Variants in USP20 observed in about 807,000 individuals in gnomAD.
The protein encoded by USP20 is ubiquitin specific peptidase 20.
In USP20, 80 loss-of-function variants were observed where a neutral mutation model predicts 124.2. The observed-to-expected ratio is 0.64, with a 90% CI of 0.54 to 0.78. The LOEUF is 0.78. Ranked by LOEUF, USP20 falls within the 30% of genes least tolerant of loss-of-function variation. The pLI is 0.00. For missense variants in USP20, 1,043 were observed against 1,244.4 expected (o/e 0.84, Z 2.44); for synonymous variants, 481 against 512.3 (o/e 0.94, Z 0.83).
At position 129,879,301 on chromosome 9, in the gene USP20, C is replaced by T. The variant is rs1225646565; in HGVS notation, c.2513-272C>T. ...GGCAGAGGGGAAGGGGCGTGGTGAG[C>T]GGCAGCTGCCAGCAGAGATAAGGGC... On this transcript the variant is annotated intron_variant, in intron 23 of 25. Transcript: ENST00000372429. The surrounding 1 kb of genome is among the most constrained non-coding windows in gnomAD (Gnocchi z 4.2). 5 of 453,642 alleles carry T rather than the reference C, an allele frequency of 1.1e-5. No individual in the cohort carries two copies. Among genetic ancestry groups the T allele is most frequent in the Middle Eastern group, 5.5e-4 (1 of 1,806 alleles). 28.1% of individuals were successfully genotyped at this position (453,642 alleles called of 1,614,324 possible). A position where few individuals can be genotyped will look rare whatever the true frequency, so the allele number is the denominator to read the frequency against.
chr9:129,858,488 G>A lies in USP20; in HGVS notation c.220G>A (p.Val74Met), dbSNP rs191133247. ...CTAGGCAAAAAAGCACAACTTGACCGTGAACCTGACCACGTTCCGACTGTG... is the reference window on the plus strand; with the variant it reads ...CTAGGCAAAAAAGCACAACTTGACCATGAACCTGACCACGTTCCGACTGTG... ...HAQAKKHNLT[V>M]NLTTFRLWCY... is the part of the protein sequence containing the mutation. Residue 74 changes from valine (V) to methionine (M), a missense_variant, in exon 6 of 26, where the codon GTG (valine) becomes ATG (methionine). Physicochemically the swap from Val to Met is conservative, Grantham distance 21. Coordinates refer to ENST00000372429, the MANE Select transcript of USP20 (RefSeq NM_001110303.4). The A allele has an allele frequency of 2.1e-5, 34 of 1,614,142 alleles. No homozygotes were observed. The highest frequency in any genetic ancestry group is 1.3e-4 in the Admixed American group (8 of 60,008).
At chr9:129,850,159 G>A (rs561634799) in intron 2 of USP20, among the ~76,000 whole-genome samples, 1 of 152,170 alleles carries the variant, frequency 6.6e-6, no homozygotes, top group Non-Finnish European at 1.5e-5. Context: ...GTTAATTGAT[G>A]AGTCTAGGTA....
rs377350953 is a variant in USP20 at position 129,878,318 on chromosome 9, C to G, written c.2410-20C>G. 1 of 1,559,222 alleles carries G rather than the reference C, an allele frequency of 6.4e-7. No homozygotes were observed. The highest frequency in any genetic ancestry group is 8.7e-7 in the Non-Finnish European group (1 of 1,150,292). On this transcript the variant is annotated intron_variant, in intron 22 of 25. Coordinates refer to ENST00000372429, the MANE Select transcript of USP20 (RefSeq NM_001110303.4). Reference sequence around the variant, plus strand: ...GACTGACCTGCCCTCTGTCTCCTCCCGTCCCTGCCCGCCTGCCAGTTGAAC... The same window carrying G: ...GACTGACCTGCCCTCTGTCTCCTCCGGTCCCTGCCCGCCTGCCAGTTGAAC...
At chr9:129,867,906 C>T (rs1049608497) in intron 10 of USP20, 99 bp from the exon 11 acceptor site, 2 of 1,446,876 alleles carry the variant, frequency 1.4e-6, no homozygotes, top group Non-Finnish European at 1.8e-6. Flanking sequence ...CCATGAGGTC[C>T]TCCTAGATGG....
At chr9:129,859,109 A>G (rs1299409095) in intron 6 of USP20, among the ~76,000 whole-genome samples, 1 of 151,424 alleles carries the variant, frequency 6.6e-6, no homozygotes, top group Non-Finnish European at 1.5e-5. Context: ...GTGCAACCTT[A>G]GAGATGGCAG....
chr9:129,870,249 C>A, intron 14 of USP20: 1 of 599,332 alleles, frequency 1.7e-6, no homozygotes, highest in South Asian at 2.0e-5. Flanking sequence ...GGAGGCCAGG[C>A]TTGCGGAGAG....
intron 13 of USP20, 27 bp from the exon 14 acceptor site, chr9:129,869,645 G>A (rs1178752426): frequency 6.8e-6 from 11 of 1,612,116 alleles, no homozygotes; most frequent in Admixed American, 3.3e-5. Context: ...CAGAGGATGG[G>A]CAGCAGACTG....
At chr9:129,868,586 CCG>C (rs1564214411) in intron 11 of USP20, 137 bp downstream of exon 11, 3 of 1,437,434 alleles carry the variant, frequency 2.1e-6, no homozygotes, top group Non-Finnish European at 2.7e-6. Context: ...AAGTCAGCCT[CCG>C]GGGGGGCTCA....
chr9:129,845,163 C>G (rs1324175083), intron 1 of USP20, among the ~76,000 whole-genome samples: 1 of 152,134 alleles, frequency 6.6e-6, no homozygotes, highest in Non-Finnish European at 1.5e-5. Flanking sequence ...CAGGTAGCAG[C>G]TTTGGGGACT....
In USP20 at chr9:129,863,118, C is replaced by T. The variant is rs1266250881; in HGVS notation, c.498-68C>T. ...CGAGCACTCAGGGCTCCCCGCTATG[C>T]AGCCCTTTCTAAACTGCCGCATGCC... On this transcript the variant is annotated intron_variant, in intron 8 of 25. Coordinates refer to ENST00000372429, the MANE Select transcript of USP20 (RefSeq NM_001110303.4). 23 of 1,297,838 alleles carry T rather than the reference C, an allele frequency of 1.8e-5. No individual in the cohort carries two copies. The East Asian group carries it at 5.8e-4, about 33-fold the overall frequency. 80.4% of individuals were successfully genotyped at this position (1,297,838 alleles called of 1,614,324 possible). A position where few individuals can be genotyped will look rare whatever the true frequency, so the allele number is the denominator to read the frequency against.
chr9:129,869,245 C>T (rs964218664), intron 12 of USP20, 65 bp from the exon 13 acceptor site: 45 of 1,515,748 alleles, frequency 3.0e-5, no homozygotes, highest in Non-Finnish European at 4.0e-5. Context: ...AAGGAAGCCG[C>T]AGGGCCCGCA....
chr9:129,856,121 G>A (rs1012424334), intron 3 of USP20, among the ~76,000 whole-genome samples, 186 bp from the exon 4 acceptor site: 5 of 152,232 alleles, frequency 3.3e-5, no homozygotes, highest in African/African-American at 9.6e-5. Flanking sequence ...AGTATAAAGT[G>A]CTCCCCTGGG....
chr9:129,875,131 G>A (rs995479357), intron 19 of USP20, among the ~76,000 whole-genome samples, 176 bp downstream of exon 19: 3 of 152,190 alleles, frequency 2.0e-5, no homozygotes, highest in Admixed American at 6.5e-5. Flanking sequence ...GCAGCTTGGA[G>A]CCTTCTCCAG....
chr9:129,855,595 G>A (rs1759475108), intron 3 of USP20, among the ~76,000 whole-genome samples: 1 of 152,162 alleles, frequency 6.6e-6, no homozygotes, highest in South Asian at 2.1e-4. Flanking sequence ...AATGGTAGGA[G>A]GAGAAAGAGC....
intron 11 of USP20, 135 bp downstream of exon 11, chr9:129,868,584 C>T (rs1005837452): frequency 6.9e-7 from 1 of 1,439,036 alleles, no homozygotes; most frequent in East Asian, 2.5e-5. Context: ...GGAAGTCAGC[C>T]TCCGGGGGGG....
At chr9:129,880,064 T>G (rs781405015) in intron 24 of USP20, 49 bp from the exon 25 acceptor site, 1 of 1,595,658 alleles carries the variant, frequency 6.3e-7, no homozygotes, top group Non-Finnish European at 8.6e-7. Context: ...GCCGGTGGCT[T>G]CCTTGAGGAG....
intron 8 of USP20, 50 bp downstream of exon 8, chr9:129,861,662 C>G: frequency 1.9e-6 from 3 of 1,577,948 alleles, no homozygotes; most frequent in Admixed American, 1.7e-5. Context: ...GGCAAAGCCC[C>G]GGAAACAGCA....
intron 1 of USP20, among the ~76,000 whole-genome samples, chr9:129,843,041 A>G (rs62584852): frequency 0.14 from 21,753 of 152,054 alleles, 2,046 homozygotes; most frequent in African/African-American, 0.26. Context: ...ATAGGCAGAT[A>G]AATGTATATA....
intron 5 of USP20, 87 bp from the exon 6 acceptor site, chr9:129,858,380 G>A (rs1588261547): frequency 1.3e-6 from 2 of 1,583,180 alleles, no homozygotes; most frequent in East Asian, 4.5e-5. Context: ...CTCTTACTGA[G>A]AGGCTGGGGA....
Sources: allele counts gnomAD v4.1 joint callset (sites outside exome capture counted in the v4.1 genomes callset), GRCh38; gene constraint gnomAD v4.1.1; non-coding constraint Gnocchi (gnomAD v3.1); transcripts MANE v1.5; gene names NCBI Gene and HGNC (gene_info 2026-07-23, HGNC 2026-07-21).